The following CAPZB variants were observed in gnomAD, a reference collection of about 807,000 sequenced individuals.
CAPZB encodes capping actin protein of muscle Z-line subunit beta.
CAPZB carries 2 observed loss-of-function variants against 38.1 expected under a neutral mutation model. That is an observed-to-expected ratio of 0.05 (90% CI 0.02 to 0.17). The LOEUF is 0.17. CAPZB is among the 10% of genes least tolerant of loss of function. The pLI is 1.00. For missense variants in CAPZB, 161 were observed against 334.2 expected (o/e 0.48, Z 4.04); for synonymous variants, 107 against 127.4 (o/e 0.84, Z 1.08).
chr1:19,339,768 CCT>C (rs2093917907), intron 8 of CAPZB, 151 bp from the exon 9 acceptor site: 1 of 700,800 alleles, frequency 1.4e-6, no homozygotes, highest in Middle Eastern at 3.9e-4. Context: ...GGCATCTGCC[CCT>C]CTCAGAAAGG....
At chr1:19,448,353 T>C (rs2094503312) in intron 1 of CAPZB, among the ~76,000 whole-genome samples, 2 of 152,130 alleles carry the variant, frequency 1.3e-5, no homozygotes, top group African/African-American at 2.4e-5. Flanking sequence ...GGGAGAGCAT[T>C]TGATTAATAT....
At chr1:19,436,897 C>T (rs2094459886) in intron 1 of CAPZB, among the ~76,000 whole-genome samples, 1 of 152,246 alleles carries the variant, frequency 6.6e-6, no homozygotes, top group Admixed American at 6.5e-5. Context: ...GAAAACAGTG[C>T]TGGACTCTGT....
chr1:19,395,813 C>G (rs1335997025), intron 2 of CAPZB, among the ~76,000 whole-genome samples: 1 of 152,226 alleles, frequency 6.6e-6, no homozygotes, highest in Non-Finnish European at 1.5e-5. Flanking sequence ...CATACAAAAC[C>G]ACCTTCGAGT....
intron 1 of CAPZB, among the ~76,000 whole-genome samples, chr1:19,428,968 T>C (rs940603864): frequency 5.3e-5 from 8 of 152,208 alleles, no homozygotes; most frequent in African/African-American, 1.9e-4. Flanking sequence ...CAGTGATTTG[T>C]CCAGGTCATC....
chr1:19,419,540 C>A, intron 2 of CAPZB, 121 bp downstream of exon 2: 3 of 646,836 alleles, frequency 4.6e-6, no homozygotes, highest in Non-Finnish European at 2.8e-6. Context: ...AGTCCAGTGG[C>A]ATGGTCTGCC....
chr1:19,466,478 G>C (rs1470092295), intron 1 of CAPZB, among the ~76,000 whole-genome samples: 1 of 152,218 alleles, frequency 6.6e-6, no homozygotes, highest in Non-Finnish European at 1.5e-5. Flanking sequence ...TCACGGCGCA[G>C]GTGATGTGAG....
chr1:19,461,922 T>C lies in CAPZB; in HGVS notation c.3+23514A>G, dbSNP rs1260700032. Among the ~76,000 whole-genome samples, 6 of 152,264 alleles carry C rather than the reference T, an allele frequency of 3.9e-5. No homozygotes were observed. In the South Asian group the frequency reaches 1.0e-3, roughly 26 times the overall value. On this transcript the variant is annotated intron_variant, in intron 1 of 8. Coordinates refer to ENST00000264202, the MANE Select transcript of CAPZB (RefSeq NM_004930.5). Reference sequence around the variant, plus strand: ...TGAGATGATGCATTGACTTAATGTCTTGAATACTGTCTCTGGCACACAGCA... The same window carrying C: ...TGAGATGATGCATTGACTTAATGTCCTGAATACTGTCTCTGGCACACAGCA...
At chr1:19,430,205 T>C (rs559595447) in intron 1 of CAPZB, among the ~76,000 whole-genome samples, 2 of 152,012 alleles carry the variant, frequency 1.3e-5, no homozygotes, top group East Asian at 3.9e-4. Flanking sequence ...GCAAGGAAAA[T>C]TTCCACGCGC....
chr1:19,481,587 G>A (rs1019179397), intron 1 of CAPZB, among the ~76,000 whole-genome samples: 3 of 152,314 alleles, frequency 2.0e-5, no homozygotes, highest in Non-Finnish European at 2.9e-5. Flanking sequence ...TCGGGTACCC[G>A]GGTTGGACAG....
chr1:19,372,896 G>C (rs1231785333), intron 4 of CAPZB, among the ~76,000 whole-genome samples: 1 of 152,134 alleles, frequency 6.6e-6, no homozygotes, highest in Non-Finnish European at 1.5e-5. Flanking sequence ...GGACCAGGTG[G>C]GTGGGCTGGC....
chr1:19,441,805 C>T (rs1318980564), intron 1 of CAPZB, among the ~76,000 whole-genome samples: 3 of 151,852 alleles, frequency 2.0e-5, no homozygotes, highest in African/African-American at 4.8e-5. Flanking sequence ...GTCAGGAGTT[C>T]GAGACCAGCC....
intron 1 of CAPZB, among the ~76,000 whole-genome samples, chr1:19,457,409 G>T (rs1383992185): frequency 6.6e-6 from 1 of 152,122 alleles, no homozygotes; most frequent in Non-Finnish European, 1.5e-5. Flanking sequence ...CGCACAGGCT[G>T]GCTCAGAGGG....
At chr1:19,481,594 ACAGGCTGGACAAAGCTACC>A (rs2094628798) in intron 1 of CAPZB, among the ~76,000 whole-genome samples, 1 of 152,158 alleles carries the variant, frequency 6.6e-6, no homozygotes, top group Non-Finnish European at 1.5e-5. Flanking sequence ...CCCGGGTTGG[ACAGGCTGGACAAAGCTACC>A]CAGGCTGGAC....
In CAPZB at chr1:19,393,715, C is replaced by T. The variant is rs147783536; in HGVS notation, c.94-8089G>A. On this transcript the variant is annotated intron_variant, in intron 2 of 8. Transcript: ENST00000264202. ...ACCAAAGCTTTTTCCCCCAAGTGCC[C>T]GGTCACGGCAGACCCAAGGTGCCTG... 5.3e-5 allele frequency among the ~76,000 whole-genome samples: 8 copies of T among 152,342 alleles called. No individual in the cohort carries two copies. In the East Asian group the frequency reaches 5.8e-4, roughly 11 times the overall value.
intron 2 of CAPZB, among the ~76,000 whole-genome samples, chr1:19,409,669 T>C (rs1176554101): frequency 6.6e-6 from 1 of 152,234 alleles, no homozygotes; most frequent in African/African-American, 2.4e-5. Flanking sequence ...TGCTTCTTCA[T>C]CTGTCCAATG....
At chr1:19,455,846 G>C (rs2094531409) in intron 1 of CAPZB, among the ~76,000 whole-genome samples, 1 of 152,180 alleles carries the variant, frequency 6.6e-6, no homozygotes, top group Non-Finnish European at 1.5e-5. Flanking sequence ...ACAATCTCAA[G>C]CAAGTTATAT....
Position 19,460,608 on chromosome 1 carries a change from T to C in CAPZB, c.3+24828A>G, listed in dbSNP as rs34909375. ...TTTTTTTTTTTTTTTGTATTTTTGG[T>C]GGAGATGTTGCCCCGGCTGGTCTCA... On this transcript the variant is annotated intron_variant, in intron 1 of 8. Coordinates refer to ENST00000264202, the MANE Select transcript of CAPZB (RefSeq NM_004930.5). Among the ~76,000 whole-genome samples, 1,266 of 126,664 alleles carry C rather than the reference T, an allele frequency of 1.0e-2. 49 individuals carry two copies. The East Asian group carries it at 0.12, about 12-fold the overall frequency. 83.1% of individuals were successfully genotyped at this position (126,664 alleles called of 152,430 possible).
chr1:19,344,483 G>T (rs2093950057), intron 7 of CAPZB, 49 bp from the exon 8 acceptor site: 1 of 1,426,788 alleles, frequency 7.0e-7, no homozygotes, highest in African/African-American at 1.4e-5. Context: ...GGAACCCTGA[G>T]GCCCACGCCC....
At chr1:19,446,566 A>G (rs1013850814) in intron 1 of CAPZB, among the ~76,000 whole-genome samples, 3 of 152,170 alleles carry the variant, frequency 2.0e-5, no homozygotes, top group African/African-American at 4.8e-5. Context: ...AATCTACCCT[A>G]ATGAAACCAC....
Sources: allele counts gnomAD v4.1 joint callset (sites outside exome capture counted in the v4.1 genomes callset), GRCh38; gene constraint gnomAD v4.1.1; transcripts MANE v1.5; gene names NCBI Gene and HGNC (gene_info 2026-07-23, HGNC 2026-07-21).